HOXC6: variants seen among roughly 807,000 people sequenced by gnomAD.
The protein encoded by HOXC6 is homeobox protein Hox-C6.
In HOXC6, 10 loss-of-function variants were observed where a neutral mutation model predicts 24.0. That is an observed-to-expected ratio of 0.42 (90% CI 0.26 to 0.71). HOXC6 has a LOEUF of 0.71. Among genes scored for constraint, HOXC6 ranks in the 30% least tolerant of loss-of-function variants. The pLI is 0.28. For missense variants in HOXC6, 258 were observed against 303.4 expected (o/e 0.85, Z 1.11); for synonymous variants, 123 against 128.1 (o/e 0.96, Z 0.27).
intron 1 of HOXC6, 61 bp from the exon 2 acceptor site, chr12:54,029,594 A>C: frequency 6.5e-7 from 1 of 1,545,474 alleles, no homozygotes; most frequent in African/African-American, 1.4e-5. Context: ...TGCTAGGCGA[A>C]ACAGTCTGCA....
rs762837267 is a variant in HOXC6, at chr12:54,029,972, T to TC, written c.*13dup. ...GAAGCAGAAAGAGTGACCAGGACTG[T>TC]CCCTGCCACCCCTCTCTCCCTTTCT... On this transcript the variant is annotated 3_prime_UTR_variant, in exon 2 of 2. Coordinates refer to ENST00000243108, the MANE Select transcript of HOXC6 (RefSeq NM_004503.4). 6.3e-5 allele frequency: 97 copies of TC among 1,530,796 alleles called. No individual in the cohort carries two copies. Among genetic ancestry groups the TC allele is most frequent in the Non-Finnish European group, 8.5e-5 (97 of 1,137,668 alleles). 94.8% of individuals were successfully genotyped at this position (1,530,796 alleles called of 1,614,324 possible). A position where few individuals can be genotyped will look rare whatever the true frequency, so the allele number is the denominator to read the frequency against.
upstream of HOXC6, chr12:54,028,426 T>C (rs1940827224): frequency 1.5e-6 from 2 of 1,357,714 alleles, no homozygotes; most frequent in Non-Finnish European, 2.0e-6. Flanking sequence ...CTGTCCTGGA[T>C]TGGAGCCGTC....
chr12:54,026,958 A>C, upstream of HOXC6, among the ~76,000 whole-genome samples: 1 of 90,040 alleles, frequency 1.1e-5, no homozygotes, highest in South Asian at 2.8e-4. Context: ...ACCCACCCAA[A>C]AATGGTGGGG....
Position 54,030,117 on chromosome 12 carries a change from T to G in HOXC6, c.*155T>G. On this transcript the variant is annotated 3_prime_UTR_variant, in exon 2 of 2. Coordinates refer to ENST00000243108, the MANE Select transcript of HOXC6 (RefSeq NM_004503.4). ...GTCAAACGTGGACCTGAAAGTCAGC[T>G]CTGGACCCCCTCCCTCACCGCACAA... 1.4e-6 allele frequency: 1 copy of G among 699,444 alleles called. No homozygotes were observed. Among genetic ancestry groups the G allele is most frequent in the East Asian group, 2.8e-5 (1 of 36,102 alleles). 43.3% of individuals were successfully genotyped at this position (699,444 alleles called of 1,614,324 possible).
intron 1 of HOXC6, among the ~76,000 whole-genome samples, chr12:54,018,164 G>A (rs1280380134): frequency 6.6e-6 from 1 of 152,200 alleles, no homozygotes; most frequent in Non-Finnish European, 1.5e-5. Context: ...GTTGTAGGGT[G>A]GGGGTGGGGG....
chr12:54,024,448 G>T (rs1356276584), upstream of HOXC6, among the ~76,000 whole-genome samples: 2 of 152,196 alleles, frequency 1.3e-5, no homozygotes, highest in South Asian at 4.1e-4. Flanking sequence ...AAACATCCGC[G>T]CAGAGTTAGG....
At chr12:54,026,858 T>C (rs1382796950), upstream of HOXC6, among the ~76,000 whole-genome samples, 1 of 152,142 alleles carries the variant, frequency 6.6e-6, no homozygotes, top group African/African-American at 2.4e-5. Context: ...TTGCTACCCA[T>C]TGATTACTCC....
chr12:54,021,444 G>A (rs1940431947), intron 1 of HOXC6: 1 of 152,252 alleles, frequency 6.6e-6, no homozygotes, highest in South Asian at 2.1e-4. Flanking sequence ...GAGAATTGAT[G>A]GGCCTCCTTT....
At chr12:54,028,246 C>CATAGAT (rs1940807676), upstream of HOXC6, 1 of 148,990 alleles carries the variant, frequency 6.7e-6, no homozygotes, top group Non-Finnish European at 1.4e-5. Flanking sequence ...AGTTCCCTTA[C>CATAGAT]ATATATATAT....
At chr12:54,023,124 C>A (rs1940524721) in intron 1 of HOXC6, among the ~76,000 whole-genome samples, 1 of 152,228 alleles carries the variant, frequency 6.6e-6, no homozygotes, top group Admixed American at 6.5e-5. Flanking sequence ...CCCAGGCTCT[C>A]CCCAAGCCCC....
upstream of HOXC6, among the ~76,000 whole-genome samples, chr12:54,025,494 G>A (rs1310037679): frequency 7.0e-6 from 1 of 143,672 alleles, no homozygotes; most frequent in Admixed American, 6.9e-5. Context: ...AGAAAGAAGA[G>A]GGCTTCTTCT....
Position 54,028,815 on chromosome 12 carries a change from C to G in HOXC6, c.294C>G (p.Thr98=). ...RQNTLGHNTQ[T]SIAQDFSSEQ... is the part of the protein sequence containing the mutation. ...ACACCTTAGGACATAACACACAGACCTCAATCGCTCAGGATTTTAGTTCTG... is the reference window on the plus strand; with the variant it reads ...ACACCTTAGGACATAACACACAGACGTCAATCGCTCAGGATTTTAGTTCTG... The change falls in exon 1 of 2, where the codon ACC becomes ACG. Residue 98 remains threonine, a synonymous_variant. Coordinates refer to ENST00000243108, the MANE Select transcript of HOXC6 (RefSeq NM_004503.4). 1.2e-6 allele frequency: 2 copies of G among 1,614,168 alleles called. No individual in the cohort carries two copies. The highest frequency in any genetic ancestry group is 1.7e-6 in the Non-Finnish European group (2 of 1,180,036).
chr12:54,025,272 T>C (rs931766247), upstream of HOXC6, among the ~76,000 whole-genome samples: 13 of 152,288 alleles, frequency 8.5e-5, no homozygotes, highest in Admixed American at 2.0e-4. Flanking sequence ...TTCAGACAAA[T>C]TTAACAGGAA....
At chr12:54,026,035 C>A (rs1940680228), upstream of HOXC6, among the ~76,000 whole-genome samples, 1 of 152,074 alleles carries the variant, frequency 6.6e-6, no homozygotes, top group Non-Finnish European at 1.5e-5. Context: ...TTCCATCATT[C>A]AATTTGTTGT....
In HOXC6 at chr12:54,030,123, C is replaced by T. The variant is rs746975549; in HGVS notation, c.*161C>T. On this transcript the variant is annotated 3_prime_UTR_variant, in exon 2 of 2. Coordinates refer to ENST00000243108, the MANE Select transcript of HOXC6 (RefSeq NM_004503.4). ...CGTGGACCTGAAAGTCAGCTCTGGA[C>T]CCCCTCCCTCACCGCACAACTCTCT... The T allele has an allele frequency of 6.7e-4, 437 of 656,476 alleles. No individual in the cohort carries two copies. The highest frequency in any genetic ancestry group is 1.0e-3 in the Non-Finnish European group (395 of 395,332). The allele number at this position is 656,476 out of a possible 1,614,324, so 40.7% of individuals were successfully genotyped here.
At chr12:54,022,501 T>A (rs1405455337) in intron 1 of HOXC6, 1 of 152,170 alleles carries the variant, frequency 6.6e-6, no homozygotes, top group Non-Finnish European at 1.5e-5. Flanking sequence ...AAATTAATTT[T>A]CCCCTCCCAG....
upstream of HOXC6, among the ~76,000 whole-genome samples, chr12:54,026,681 G>A (rs772301288): frequency 9.2e-5 from 14 of 152,114 alleles, no homozygotes; most frequent in Non-Finnish European, 1.6e-4. Flanking sequence ...ACCCCCTAAC[G>A]AGGTTCATGT....
At chr12:54,026,988 C>T (rs1940745387), upstream of HOXC6, among the ~76,000 whole-genome samples, 1 of 145,892 alleles carries the variant, frequency 6.9e-6, no homozygotes, top group Admixed American at 7.0e-5. Flanking sequence ...TATGAGCTTT[C>T]TCTGCTCCCC....
At chr12:54,027,042 A>C (rs1940749442), upstream of HOXC6, among the ~76,000 whole-genome samples, 1 of 151,090 alleles carries the variant, frequency 6.6e-6, no homozygotes, top group African/African-American at 2.4e-5. Flanking sequence ...AGGCATTTTC[A>C]GCCTATATCA....
Sources: allele counts gnomAD v4.1 joint callset (sites outside exome capture counted in the v4.1 genomes callset), GRCh38; gene constraint gnomAD v4.1.1; transcripts MANE v1.5; gene names NCBI Gene and HGNC (gene_info 2026-07-23, HGNC 2026-07-21).